Variants in PDZD2 observed in about 807,000 individuals in gnomAD.
PDZD2 encodes PDZ domain-containing protein 2.
A neutral mutation model predicts 220.7 loss-of-function variants in PDZD2; 90 were observed. The ratio of observed to expected loss-of-function variants is 0.41; its 90% CI spans 0.34 to 0.49. PDZD2 has a LOEUF of 0.49. PDZD2 is among the 20% of genes least tolerant of loss of function. The probability of loss-of-function intolerance (pLI) is 0.28; values close to 1 mark genes in which losing one functional copy is unlikely to be tolerated. For missense variants in PDZD2, 3,174 were observed against 3,608.5 expected (o/e 0.88, Z 3.08); for synonymous variants, 1,375 against 1,450.5 (o/e 0.95, Z 1.18).
rs776654822 is a variant in PDZD2, at chr5:32,058,111, C to T, written c.2200+8C>T. 2 of 1,331,856 alleles carry T rather than the reference C, an allele frequency of 1.5e-6. No homozygotes were observed. The highest frequency in any genetic ancestry group is 2.3e-5 in the South Asian group (2 of 85,658). 82.5% of individuals were successfully genotyped at this position (1,331,856 alleles called of 1,614,324 possible). On this transcript the variant is annotated splice_region_variant and intron_variant, in intron 12 of 24. Coordinates refer to ENST00000438447, the MANE Select transcript of PDZD2 (RefSeq NM_178140.4). The stretch of plus-strand genomic sequence containing the variant: ...AAGTAACACTCAACAAAGGTGATAG[C>T]AGCTATTCCTTACCTTTGTCTCATT...
chr5:32,074,662 GTTAC>G lies in PDZD2; in HGVS notation c.3537+22_3537+25del. ...GGAGAAGGTAACTGACTTTCTCTTA[GTTAC>G]TTGGAATGGAAGTGCATGAATATGT... On this transcript the variant is annotated intron_variant, in intron 18 of 24. Coordinates refer to ENST00000438447, the MANE Select transcript of PDZD2 (RefSeq NM_178140.4). 2 of 1,538,854 alleles carry G rather than the reference GTTAC, an allele frequency of 1.3e-6. No individual in the cohort carries two copies. The highest frequency in any genetic ancestry group is 2.4e-5 in the South Asian group (2 of 82,900).
intron 2 of PDZD2, among the ~76,000 whole-genome samples, chr5:31,981,364 A>AATAT (rs1319259954): frequency 7.9e-5 from 12 of 152,114 alleles, no homozygotes; most frequent in African/African-American, 2.2e-4. Flanking sequence ...AGGTATGGGG[A>AATAT]ATATATGCCT....
At chr5:31,882,563 A>G (rs1239474047) in intron 2 of PDZD2, among the ~76,000 whole-genome samples, 2 of 152,228 alleles carry the variant, frequency 1.3e-5, no homozygotes, top group Non-Finnish European at 2.9e-5. Flanking sequence ...TTTTCAGACC[A>G]TTCACGAATG....
intron 1 of PDZD2, among the ~76,000 whole-genome samples, chr5:31,709,806 A>G (rs1181192847): frequency 6.6e-6 from 1 of 152,066 alleles, no homozygotes; most frequent in Non-Finnish European, 1.5e-5. Flanking sequence ...AAATACACAC[A>G]TTAACCTGGC....
chr5:31,691,966 C>A (rs1227922018), intron 1 of PDZD2, among the ~76,000 whole-genome samples: 1 of 152,264 alleles, frequency 6.6e-6, no homozygotes, highest in East Asian at 1.9e-4. Context: ...GGATCCCACA[C>A]CAGGGCTGCA....
intron 1 of PDZD2, among the ~76,000 whole-genome samples, chr5:31,773,692 G>A (rs1752470434): frequency 6.6e-6 from 1 of 152,082 alleles, no homozygotes; most frequent in Admixed American, 6.6e-5. Flanking sequence ...TACCTAGAAA[G>A]AGAGAGAGAC....
At position 31,840,987 on chromosome 5, in the gene PDZD2, G is replaced by A. The variant is rs980372054; in HGVS notation, c.476+41263G>A. ...TGTTTCTCATTTTGGCGAATTACTG[G>A]AGGATGGCGGTTCCACTCATTATAT... On this transcript the variant is annotated intron_variant, in intron 2 of 24. Coordinates refer to ENST00000438447, the MANE Select transcript of PDZD2 (RefSeq NM_178140.4). 1.7e-5 allele frequency: 7 copies of A among 407,396 alleles called. No individual in the cohort carries two copies. In the Admixed American group the frequency reaches 2.2e-4, roughly 13 times the overall value. 25.2% of individuals were successfully genotyped at this position (407,396 alleles called of 1,614,324 possible).
intron 8 of PDZD2, 123 bp downstream of exon 8, chr5:32,048,807 C>G: frequency 1.1e-6 from 1 of 934,008 alleles, no homozygotes; most frequent in South Asian, 1.6e-5. Context: ...AGACAGCAGG[C>G]AAAGTGAGGT....
chr5:31,779,960 G>A (rs910499979), intron 1 of PDZD2, among the ~76,000 whole-genome samples: 3 of 152,138 alleles, frequency 2.0e-5, no homozygotes, highest in Admixed American at 6.6e-5. Context: ...TGCTTTAGTT[G>A]TGTCTTCGCT....
At chr5:32,081,577 C>T (rs1426372560) in intron 19 of PDZD2, among the ~76,000 whole-genome samples, 2 of 152,142 alleles carry the variant, frequency 1.3e-5, no homozygotes, top group Non-Finnish European at 2.9e-5. Context: ...TTAGGTATTT[C>T]TCTCTCCTTC....
At chr5:31,953,548 C>A (rs1393306294) in intron 2 of PDZD2, among the ~76,000 whole-genome samples, 1 of 152,058 alleles carries the variant, frequency 6.6e-6, no homozygotes, top group African/African-American at 2.4e-5. Context: ...GGCATGGTGG[C>A]TCTCACTTGT....
rs778418372 is a variant in PDZD2 at position 31,676,568 on chromosome 5, C to CTTTTT, written c.-361+37143_-361+37147dup. Among the ~76,000 whole-genome samples, 121 of 136,386 alleles carry CTTTTT rather than the reference C, an allele frequency of 8.9e-4. 1 individual carries two copies. Among genetic ancestry groups the CTTTTT allele is most frequent in the African/African-American group, 3.1e-3 (113 of 36,670 alleles). The allele number at this position is 136,386 out of a possible 152,430, so 89.5% of individuals were successfully genotyped here. ...TTGTAGAACAATTTCTTTGCTTTCT[C>CTTTTT]TTTTTTTTTTTTTTTTGAGACAGAG... On this transcript the variant is annotated intron_variant, in intron 1 of 24. Transcript: ENST00000438447.
chr5:32,071,311 A>G, intron 15 of PDZD2, 73 bp from the exon 16 acceptor site: 1 of 1,056,998 alleles, frequency 9.5e-7, no homozygotes, highest in South Asian at 1.3e-5. Context: ...CTCCTTTTCT[A>G]GTTAAGGATG....
chr5:32,047,709 G>A (rs1738115072), intron 7 of PDZD2, among the ~76,000 whole-genome samples: 1 of 152,184 alleles, frequency 6.6e-6, no homozygotes, highest in African/African-American at 2.4e-5. Context: ...CAAGCCAAAT[G>A]TCCACCAACA....
chr5:31,964,661 TCTC>T (rs1304886960), intron 2 of PDZD2, among the ~76,000 whole-genome samples: 1 of 152,182 alleles, frequency 6.6e-6, no homozygotes, highest in East Asian at 1.9e-4. Context: ...CTTCCCACCA[TCTC>T]CTTTTTGGGA....
In PDZD2 at chr5:32,046,003, A is replaced by G. The variant is rs543485287; in HGVS notation, c.1520-2536A>G. Among the ~76,000 whole-genome samples, 3 of 152,310 alleles carry G rather than the reference A, an allele frequency of 2.0e-5. No homozygotes were observed. In the East Asian group the frequency reaches 5.8e-4, roughly 29 times the overall value. The stretch of plus-strand genomic sequence containing the variant: ...TAGGTAATCAGATGAAACATTACCT[A>G]GTCTAGGTGATGAACTTGATATATG... On this transcript the variant is annotated intron_variant, in intron 7 of 24. Coordinates refer to ENST00000438447, the MANE Select transcript of PDZD2 (RefSeq NM_178140.4).
intron 1 of PDZD2, among the ~76,000 whole-genome samples, chr5:31,749,423 A>ATT (rs34580721): frequency 2.9e-5 from 4 of 140,052 alleles, no homozygotes; most frequent in African/African-American, 5.3e-5. Context: ...TCACTGTGTG[A>ATT]TTTTTTTTTT....
intron 1 of PDZD2, among the ~76,000 whole-genome samples, chr5:31,710,192 A>G (rs1748023864): frequency 6.6e-6 from 1 of 152,150 alleles, no homozygotes; most frequent in Non-Finnish European, 1.5e-5. Flanking sequence ...AATGCATGTA[A>G]AGAGCATGAA....
chr5:31,868,617 A>G (rs1203764529), intron 2 of PDZD2, among the ~76,000 whole-genome samples: 1 of 152,108 alleles, frequency 6.6e-6, no homozygotes, highest in African/African-American at 2.4e-5. Flanking sequence ...TACTATGCCG[A>G]CCGTGGATGC....
Sources: allele counts gnomAD v4.1 joint callset (sites outside exome capture counted in the v4.1 genomes callset), GRCh38; gene constraint gnomAD v4.1.1; transcripts MANE v1.5; gene names NCBI Gene and HGNC (gene_info 2026-07-23, HGNC 2026-07-21).